ARHGAP24: variants seen among roughly 807,000 people sequenced by gnomAD.
ARHGAP24 encodes Rho GTPase activating protein 24.
In ARHGAP24, 50 loss-of-function variants were observed where a neutral mutation model predicts 76.4. The observed-to-expected ratio is 0.65, with a 90% CI of 0.52 to 0.83. The LOEUF (loss-of-function observed/expected upper bound fraction) is 0.83, where lower values mean the gene tolerates loss of function less well. ARHGAP24 is among the 40% of genes least tolerant of loss of function. The pLI, the probability that ARHGAP24 is intolerant of heterozygous loss-of-function variation, is 0.00. For synonymous variants in ARHGAP24, 345 were observed against 323.3 expected (o/e 1.07, Z -0.72); for missense variants, 930 against 914.2 (o/e 1.02, Z -0.22).
intron 2 of ARHGAP24, among the ~76,000 whole-genome samples, chr4:85,704,545 G>A (rs1158212879): frequency 6.6e-6 from 1 of 152,184 alleles, no homozygotes; most frequent in Non-Finnish European, 1.5e-5. Flanking sequence ...CCTTCATGAA[G>A]TACTGAATGT....
At chr4:85,642,793 A>G (rs1479025856) in intron 2 of ARHGAP24, among the ~76,000 whole-genome samples, 3 of 152,114 alleles carry the variant, frequency 2.0e-5, no homozygotes, top group Non-Finnish European at 4.4e-5. Context: ...AACATAATGG[A>G]CAGAGTGATT....
intron 3 of ARHGAP24, among the ~76,000 whole-genome samples, chr4:85,869,729 G>A (rs1236268341): frequency 6.6e-6 from 1 of 152,114 alleles, no homozygotes; most frequent in Non-Finnish European, 1.5e-5. Context: ...CTTGTTAAAG[G>A]CACTGATTAT....
At chr4:85,894,762 G>A (rs1171093107) in intron 3 of ARHGAP24, among the ~76,000 whole-genome samples, 1 of 151,764 alleles carries the variant, frequency 6.6e-6, no homozygotes, top group Non-Finnish European at 1.5e-5. Flanking sequence ...GGAGTTAGAG[G>A]CCAGCCTGGA....
At chr4:85,848,698 T>A (rs956350420) in intron 3 of ARHGAP24, among the ~76,000 whole-genome samples, 1 of 152,220 alleles carries the variant, frequency 6.6e-6, no homozygotes, top group Admixed American at 6.5e-5. Flanking sequence ...ATTTATTAAA[T>A]AGGGAATCTT....
chr4:85,540,985 A>G (rs991543924), intron 1 of ARHGAP24, among the ~76,000 whole-genome samples: 1 of 151,954 alleles, frequency 6.6e-6, no homozygotes, highest in Admixed American at 6.6e-5. Context: ...CTTAATATAT[A>G]TTATAATAGA....
intron 3 of ARHGAP24, among the ~76,000 whole-genome samples, chr4:85,911,239 A>G (rs2148799604): frequency 6.6e-6 from 1 of 152,220 alleles, no homozygotes; most frequent in East Asian, 1.9e-4. Context: ...CCTAACTCGA[A>G]TGGGGTGGGG....
intron 6 of ARHGAP24, 70 bp downstream of exon 6, chr4:85,972,238 C>A: frequency 6.3e-7 from 1 of 1,591,564 alleles, no homozygotes; most frequent in Non-Finnish European, 8.6e-7. Flanking sequence ...AGTCTTAAAT[C>A]TGTAAATTTC....
intron 3 of ARHGAP24, among the ~76,000 whole-genome samples, chr4:85,789,340 G>T (rs1346030904): frequency 6.6e-6 from 1 of 151,720 alleles, no homozygotes; most frequent in East Asian, 1.9e-4. Context: ...CAAAGAAAAG[G>T]CAATACTAAA....
At chr4:85,568,268 T>G (rs1726925796) in intron 1 of ARHGAP24, among the ~76,000 whole-genome samples, 1 of 149,390 alleles carries the variant, frequency 6.7e-6, no homozygotes, top group South Asian at 2.1e-4. Context: ...CTAAGTAATT[T>G]GTTGTGCAAT....
At chr4:85,554,735 A>G (rs989912426) in intron 1 of ARHGAP24, among the ~76,000 whole-genome samples, 6 of 151,864 alleles carry the variant, frequency 4.0e-5, no homozygotes, top group Non-Finnish European at 7.4e-5. Flanking sequence ...CAGTGGTGCT[A>G]TCTTGGCCCA....
chr4:85,971,954 G>A, intron 5 of ARHGAP24, 82 bp from the exon 6 acceptor site: 1 of 1,600,068 alleles, frequency 6.2e-7, no homozygotes, highest in South Asian at 1.1e-5. Flanking sequence ...ATAGAATTCT[G>A]ACTCCTGGGC....
chr4:85,807,760 G>A (rs1728853115), intron 3 of ARHGAP24, among the ~76,000 whole-genome samples: 1 of 152,108 alleles, frequency 6.6e-6, no homozygotes, highest in Non-Finnish European at 1.5e-5. Flanking sequence ...CCTCAGAATT[G>A]TACCAAGCCA....
At chr4:85,982,744 G>T (rs1739743805) in intron 8 of ARHGAP24, among the ~76,000 whole-genome samples, 1 of 152,074 alleles carries the variant, frequency 6.6e-6, no homozygotes, top group South Asian at 2.1e-4. Flanking sequence ...GTTGTTTTTT[G>T]TGTGTTTTTT....
At chr4:85,852,250 G>A (rs1205696839) in intron 3 of ARHGAP24, among the ~76,000 whole-genome samples, 1 of 152,146 alleles carries the variant, frequency 6.6e-6, no homozygotes, top group Admixed American at 6.5e-5. Flanking sequence ...AGCTACTGAA[G>A]CTTCTGTGTG....
intron 2 of ARHGAP24, among the ~76,000 whole-genome samples, chr4:85,619,375 G>A (rs899230216): frequency 3.3e-5 from 5 of 151,738 alleles, no homozygotes; most frequent in Non-Finnish European, 1.5e-5. Context: ...TATATTCGTA[G>A]TTTATTTTGT....
intron 3 of ARHGAP24, among the ~76,000 whole-genome samples, chr4:85,857,275 C>A (rs544558503): frequency 2.0e-5 from 3 of 152,218 alleles, no homozygotes; most frequent in African/African-American, 4.8e-5. Context: ...AACAAAGGTT[C>A]TTTCATAAAT....
intron 2 of ARHGAP24, among the ~76,000 whole-genome samples, chr4:85,646,754 G>A (rs1721736989): frequency 6.6e-6 from 1 of 152,062 alleles, no homozygotes; most frequent in Admixed American, 6.6e-5. Context: ...TAAGTATTGT[G>A]ATCTGGCCAT....
chr4:85,769,583 T>A (rs1248357955), intron 3 of ARHGAP24, among the ~76,000 whole-genome samples: 2 of 152,186 alleles, frequency 1.3e-5, no homozygotes, highest in Non-Finnish European at 2.9e-5. Context: ...GATATCTCGA[T>A]GGATACACAG....
At chr4:85,622,661 G>C (rs1160431053) in intron 2 of ARHGAP24, among the ~76,000 whole-genome samples, 2 of 152,120 alleles carry the variant, frequency 1.3e-5, no homozygotes, top group Admixed American at 6.5e-5. Context: ...AGATCCCTGA[G>C]GAATCGCCAC....
Sources: allele counts gnomAD v4.1 joint callset (sites outside exome capture counted in the v4.1 genomes callset), GRCh38; gene constraint gnomAD v4.1.1; transcripts MANE v1.5; gene names NCBI Gene and HGNC (gene_info 2026-07-23, HGNC 2026-07-21).